The following CD72 variants were observed in gnomAD, a reference collection of about 807,000 sequenced individuals.
The protein encoded by CD72 is B-cell differentiation antigen CD72.
A neutral mutation model predicts 50.7 loss-of-function variants in CD72; 28 were observed. That is an observed-to-expected ratio of 0.55 (90% CI 0.41 to 0.76). The LOEUF (loss-of-function observed/expected upper bound fraction) is 0.76. Among genes scored for constraint, CD72 ranks in the 30% least tolerant of loss-of-function variants. CD72 has a pLI of 0.00. For missense variants in CD72, 403 were observed against 420.6 expected (o/e 0.96, Z 0.37); for synonymous variants, 176 against 171.2 (o/e 1.03, Z -0.22).
chr9:35,632,932 T>C (rs989066284), intron 1 of CD72, among the ~76,000 whole-genome samples: 3 of 150,500 alleles, frequency 2.0e-5, no homozygotes, highest in African/African-American at 7.3e-5. Flanking sequence ...TTTTAGTTTT[T>C]TTTTTTTTTT....
intron 1 of CD72, among the ~76,000 whole-genome samples, chr9:35,636,057 C>T (rs1223469751): frequency 6.6e-6 from 1 of 152,122 alleles, no homozygotes; most frequent in Admixed American, 6.5e-5. Flanking sequence ...GAGGTTTTTA[C>T]TTTTATTTTT....
chr9:35,637,922 C>T lies in CD72; in HGVS notation n.408+8481G>A, dbSNP rs113101608. Among the ~76,000 whole-genome samples the T allele has an allele frequency of 7.7e-4, 118 of 152,294 alleles. 2 individuals carry two copies. In the East Asian group the frequency reaches 0.012, roughly 15 times the overall value. On this transcript the variant is annotated intron_variant and non_coding_transcript_variant, in intron 1 of 3. Coordinates refer to the CD72 transcript ENST00000465754. ...TTCACTATGGGCAACCTTCCACCCT[C>T]GATTCCCCCATCTTTTCCCTTAGCC... is the stretch of plus-strand genomic sequence containing the variant.
chr9:35,633,814 A>C (rs1823267449), intron 1 of CD72, among the ~76,000 whole-genome samples: 1 of 152,238 alleles, frequency 6.6e-6, no homozygotes, highest in Non-Finnish European at 1.5e-5. Flanking sequence ...TCGAAAATGC[A>C]TTTAATACCC....
At chr9:35,617,913 A>G in intron 2 of CD72, 101 bp downstream of exon 2, 1 of 785,362 alleles carries the variant, frequency 1.3e-6, no homozygotes, top group Non-Finnish European at 2.3e-6. Flanking sequence ...CCTGAGTGAC[A>G]GAACAAGACC....
intron 1 of CD72, among the ~76,000 whole-genome samples, chr9:35,629,113 G>A (rs1823220965): frequency 6.6e-6 from 1 of 152,052 alleles, no homozygotes; most frequent in Admixed American, 6.5e-5. Flanking sequence ...CTGGGCTCAA[G>A]CAATCTTCCT....
At chr9:35,629,742 C>T (rs1823226174) in intron 1 of CD72, among the ~76,000 whole-genome samples, 1 of 152,192 alleles carries the variant, frequency 6.6e-6, no homozygotes, top group African/African-American at 2.4e-5. Flanking sequence ...ACGCGAATGT[C>T]CTGCCACAGA....
chr9:35,617,160 G>C lies in CD72; in HGVS notation c.262+16C>G. On this transcript the variant is annotated intron_variant, in intron 3 of 8. Transcript: ENST00000259633. ...GAGCACTTGGCCCCGCGGCTGCCCC[G>C]CACAGGCACACTCACAGGGGAGAAT... 2 of 1,556,488 alleles carry C rather than the reference G, an allele frequency of 1.3e-6. No individual in the cohort carries two copies. The highest frequency in any genetic ancestry group is 1.7e-6 in the Non-Finnish European group (2 of 1,150,048).
At chr9:35,622,936 A>G (rs1047563151), upstream of CD72, among the ~76,000 whole-genome samples, 4 of 152,114 alleles carry the variant, frequency 2.6e-5, no homozygotes, top group Non-Finnish European at 4.4e-5. Flanking sequence ...GCGAGACTCC[A>G]TCTCTACAAA....
At chr9:35,610,990 G>C (rs546931297) in intron 7 of CD72, among the ~76,000 whole-genome samples, 1 of 152,230 alleles carries the variant, frequency 6.6e-6, no homozygotes, top group Non-Finnish European at 1.5e-5. Context: ...GGTGGCTCAT[G>C]CCTGCAATCC....
In CD72 at chr9:35,610,730, C is replaced by A. The variant is rs765715746; in HGVS notation, c.974G>T (p.Cys325Phe). The part of the protein sequence containing the change: ...RTRTYAQSSK[C>F]NKVHKTWSWW... ...TGACCAAGTTTTATGTACCTTGTTACATTTTGAGCTTTGAGCATAAGTCCT... is the reference window on the plus strand; with the variant it reads ...TGACCAAGTTTTATGTACCTTGTTAAATTTTGAGCTTTGAGCATAAGTCCT... The change falls in exon 8 of 9, where the codon TGT (cysteine) becomes TTT (phenylalanine). Residue 325 changes from cysteine to phenylalanine, a missense_variant. Physicochemically the swap from Cys to Phe is radical, Grantham distance 205. Coordinates refer to ENST00000259633, the MANE Select transcript of CD72 (RefSeq NM_001782.3). The A allele has an allele frequency of 2.5e-6, 4 of 1,612,736 alleles. No homozygotes were observed. Among genetic ancestry groups the A allele is most frequent in the Admixed American group, 1.7e-5 (1 of 59,992 alleles).
At position 35,628,313 on chromosome 9, in the gene CD72, CG is replaced by C. The variant is rs534577207; in HGVS notation, n.409-10193del. ...CTTTTTAAATAAACTATGACCTGGG[CG>C]GGGCGTGGTGGCTCACGCCTGTAAT... On this transcript the variant is annotated intron_variant and non_coding_transcript_variant, in intron 1 of 3. Transcript: ENST00000465754. 8.5e-5 allele frequency among the ~76,000 whole-genome samples: 13 copies of C among 152,246 alleles called. No homozygotes were observed. The South Asian group carries it at 2.7e-3, about 32-fold the overall frequency.
At chr9:35,618,817 G>A (rs373529169), upstream of CD72, 50 of 1,270,398 alleles carry the variant, frequency 3.9e-5, no homozygotes, top group African/African-American at 1.8e-4. Flanking sequence ...TGCATCCCTC[G>A]CTTCTCATCA....
intron 1 of CD72, among the ~76,000 whole-genome samples, chr9:35,633,677 G>A (rs1018118759): frequency 6.6e-6 from 1 of 152,076 alleles, no homozygotes; most frequent in Non-Finnish European, 1.5e-5. Context: ...CCCTTTGCAG[G>A]AAGTCTTCTC....
At chr9:35,629,087 G>A (rs1823220752) in intron 1 of CD72, among the ~76,000 whole-genome samples, 1 of 151,970 alleles carries the variant, frequency 6.6e-6, no homozygotes, top group Non-Finnish European at 1.5e-5. Context: ...TAGTTGCCCA[G>A]GTTGGTCTCA....
At chr9:35,637,203 C>G (rs1206475253) in intron 1 of CD72, among the ~76,000 whole-genome samples, 1 of 152,188 alleles carries the variant, frequency 6.6e-6, no homozygotes, top group Non-Finnish European at 1.5e-5. Context: ...TATCCCAAAA[C>G]TATAAAAACT....
At chr9:35,632,760 G>A (rs1187027770) in intron 1 of CD72, among the ~76,000 whole-genome samples, 2 of 148,072 alleles carry the variant, frequency 1.4e-5, no homozygotes, top group Admixed American at 6.8e-5. Context: ...TATTTTTTAG[G>A]AGAGACAGGT....
chr9:35,620,509 C>G (rs942829337), upstream of CD72, among the ~76,000 whole-genome samples: 1 of 151,454 alleles, frequency 6.6e-6, no homozygotes, highest in African/African-American at 2.4e-5. Flanking sequence ...GGGCTTGCTG[C>G]CTAACTTGAC....
intron 1 of CD72, among the ~76,000 whole-genome samples, chr9:35,630,848 A>G (rs1013628734): frequency 2.6e-5 from 4 of 152,192 alleles, no homozygotes; most frequent in Admixed American, 1.3e-4. Context: ...TGGATCGCTT[A>G]AGCCCAGGAG....
At chr9:35,634,004 A>T (rs1358321680) in intron 1 of CD72, among the ~76,000 whole-genome samples, 1 of 152,142 alleles carries the variant, frequency 6.6e-6, no homozygotes, top group Non-Finnish European at 1.5e-5. Flanking sequence ...TGTGTGCCTA[A>T]ATTTGATTTA....
Sources: allele counts gnomAD v4.1 joint callset (sites outside exome capture counted in the v4.1 genomes callset), GRCh38; gene constraint gnomAD v4.1.1; transcripts MANE v1.5; gene names NCBI Gene and HGNC (gene_info 2026-07-23, HGNC 2026-07-21).